DENND2B: variants seen among roughly 807,000 people sequenced by gnomAD.
DENND2B encodes the protein DENN domain containing 2B, also known as DENN domain-containing protein 2B.
A neutral mutation model predicts 116.0 loss-of-function variants in DENND2B; 32 were observed. The observed-to-expected ratio is 0.28, with a 90% CI of 0.21 to 0.37. The LOEUF is 0.37. Ranked by LOEUF, DENND2B falls within the 10% of genes least tolerant of loss-of-function variation. The pLI is 1.00. For synonymous variants in DENND2B, 588 were observed against 583.9 expected (o/e 1.01, Z -0.10); for missense variants, 1,276 against 1,477.7 (o/e 0.86, Z 2.24).
chr11:8,739,741 T>C (rs990691785), intron 2 of DENND2B, among the ~76,000 whole-genome samples: 4 of 151,744 alleles, frequency 2.6e-5, no homozygotes, highest in Admixed American at 1.3e-4. Context: ...TGAAGTAAGA[T>C]GAACAGATAA....
At chr11:8,776,146 G>GCACACACACACACACACA (rs1555185694) in intron 1 of DENND2B, 31 of 292,438 alleles carry the variant, frequency 1.1e-4, no homozygotes, top group African/African-American at 1.0e-3. Context: ...GCACGTGCGC[G>GCACACACACACACACACA]CACGCGCGCG....
intron 4 of DENND2B, among the ~76,000 whole-genome samples, chr11:8,827,257 A>G (rs2062014362): frequency 6.6e-6 from 1 of 152,248 alleles, no homozygotes; most frequent in South Asian, 2.1e-4. Flanking sequence ...GGAGGAAGGC[A>G]GAGTGAAAAG....
chr11:8,707,752 A>G lies in DENND2B; in HGVS notation c.2430+25T>C, dbSNP rs773169385. The G allele has an allele frequency of 4.4e-6, 7 of 1,589,924 alleles. No individual in the cohort carries two copies. In the South Asian group the frequency reaches 8.0e-5, roughly 18 times the overall value. On this transcript the variant is annotated intron_variant, in intron 12 of 19. Coordinates refer to ENST00000313726, the MANE Select transcript of DENND2B (RefSeq NM_213618.2). This position sits in a 1 kb window ranked among gnomAD's most constrained non-coding sequence, Gnocchi z 4.8. ...GGGAGCTGTCAGCTGGGGGACGGGG[A>G]GGGAAGCCTGCCAGAGCCTCTTACC... is the stretch of plus-strand genomic sequence containing the variant.
chr11:8,842,770 C>T (rs1407741539), intron 3 of DENND2B, among the ~76,000 whole-genome samples: 1 of 152,170 alleles, frequency 6.6e-6, no homozygotes, highest in Non-Finnish European at 1.5e-5. Flanking sequence ...TCATGAAAGA[C>T]AAAGAATTCC....
chr11:8,898,067 A>G lies in DENND2B; in HGVS notation c.-256+12754T>C, dbSNP rs529422785. ...GGGATTATAGGCATAAGCCATAGCC[A>G]CATGGCCTTGACTGAACTTTAAAGG... On this transcript the variant is annotated intron_variant, in intron 1 of 22. Coordinates refer to the DENND2B transcript ENST00000534127. Among the ~76,000 whole-genome samples the G allele has an allele frequency of 2.6e-5, 4 of 152,346 alleles. No homozygotes were observed. In the South Asian group the frequency reaches 8.3e-4, roughly 32 times the overall value.
At chr11:8,782,940 C>T (rs2058530039) in intron 1 of DENND2B, among the ~76,000 whole-genome samples, 1 of 150,654 alleles carries the variant, frequency 6.6e-6, no homozygotes, top group East Asian at 1.9e-4. Flanking sequence ...TATTACATAG[C>T]TTTCGAACCA....
rs1185138717 is a variant in DENND2B at position 8,699,261 on chromosome 11, G to C, written c.2850C>G (p.Gly950=). 5.6e-6 allele frequency: 9 copies of C among 1,594,494 alleles called. No individual in the cohort carries two copies. The highest frequency in any genetic ancestry group is 7.7e-6 in the Non-Finnish European group (9 of 1,174,832). Residue 950 remains glycine (G), a synonymous_variant, in exon 15 of 20, where the codon GGC becomes GGG. Transcript: ENST00000313726. ...IVCCPTPFLV[G]LLSSSLPKLK... Reference sequence around the variant, plus strand: ...GTTTGGGGAGGGAGCTGGAGAGCAGGCCAACCAGGAAGGGGGTGGGACAGC... The same window carrying C: ...GTTTGGGGAGGGAGCTGGAGAGCAGCCCAACCAGGAAGGGGGTGGGACAGC...
At chr11:8,839,824 G>A (rs1419446913) in intron 3 of DENND2B, among the ~76,000 whole-genome samples, 1 of 152,214 alleles carries the variant, frequency 6.6e-6, no homozygotes, top group Non-Finnish European at 1.5e-5. Context: ...TGGGAACACT[G>A]TTTTGTTAGG....
At chr11:8,834,775 C>T (rs765793094) in intron 4 of DENND2B, among the ~76,000 whole-genome samples, 3 of 152,276 alleles carry the variant, frequency 2.0e-5, no homozygotes, top group Non-Finnish European at 4.4e-5. Flanking sequence ...TTCAGGCAGT[C>T]GCCCTTTATA....
At chr11:8,833,114 T>G (rs1235803843) in intron 4 of DENND2B, among the ~76,000 whole-genome samples, 1 of 152,262 alleles carries the variant, frequency 6.6e-6, no homozygotes, top group Admixed American at 6.5e-5. Flanking sequence ...GCAAAGCTGG[T>G]GAGCAGATGG....
chr11:8,709,456 C>T (rs543703357), intron 11 of DENND2B, among the ~76,000 whole-genome samples: 3 of 152,204 alleles, frequency 2.0e-5, no homozygotes, highest in Non-Finnish European at 4.4e-5. Flanking sequence ...AGCAGCTCTG[C>T]TCCATCTATG....
intron 4 of DENND2B, among the ~76,000 whole-genome samples, chr11:8,836,201 A>AAAG (rs1330546464): frequency 6.6e-5 from 10 of 151,262 alleles, no homozygotes; most frequent in Admixed American, 5.9e-4. Flanking sequence ...CAAAAAAAAA[A>AAAG]AAAAAATTGC....
At chr11:8,696,065 G>T in intron 18 of DENND2B, 1 of 280,626 alleles carries the variant, frequency 3.6e-6, no homozygotes, top group South Asian at 5.6e-5. Flanking sequence ...GCTCTGTAAG[G>T]GAATTCCCAA....
chr11:8,895,720 T>TA (rs1381513711), intron 1 of DENND2B: 2 of 152,232 alleles, frequency 1.3e-5, no homozygotes, highest in Non-Finnish European at 2.9e-5. Flanking sequence ...AGTATACACT[T>TA]AAAAATGCTT....
chr11:8,695,153 G>A (rs1261742919), intron 19 of DENND2B, among the ~76,000 whole-genome samples: 1 of 152,088 alleles, frequency 6.6e-6, no homozygotes, highest in East Asian at 1.9e-4. Context: ...AAAGTATATG[G>A]GAAGATGTGC....
At chr11:8,877,559 T>C (rs1389928527) in intron 2 of DENND2B, 1 of 152,190 alleles carries the variant, frequency 6.6e-6, no homozygotes, top group African/African-American at 2.4e-5. Flanking sequence ...AGTCTAAAAA[T>C]TTACTCATTT....
In DENND2B at chr11:8,759,892, G is replaced by T. The variant is rs182321470; in HGVS notation, c.-25-9167C>A. 7.4e-3 allele frequency among the ~76,000 whole-genome samples: 1,127 copies of T among 152,314 alleles called. 10 individuals are homozygous for T. The highest frequency in any genetic ancestry group is 0.013 in the Non-Finnish European group (896 of 68,034). ...TCTCAGCAACCAATACTGGCCCTCAGATTCTAAGGAGCTTAACAAATGCAA... is the reference window on the plus strand; with the variant it reads ...TCTCAGCAACCAATACTGGCCCTCATATTCTAAGGAGCTTAACAAATGCAA... On this transcript the variant is annotated intron_variant, in intron 1 of 19. Transcript: ENST00000313726.
chr11:8,835,457 G>C (rs1355896411), intron 4 of DENND2B: 1 of 152,166 alleles, frequency 6.6e-6, no homozygotes, highest in Non-Finnish European at 1.5e-5. Flanking sequence ...TACCAGCTAT[G>C]ATCAAAGCTA....
intron 4 of DENND2B, among the ~76,000 whole-genome samples, chr11:8,832,269 G>C (rs1032106670): frequency 2.0e-5 from 3 of 152,078 alleles, no homozygotes; most frequent in Non-Finnish European, 4.4e-5. Flanking sequence ...TGGCCAACAC[G>C]GTGAAACCCC....
Sources: allele counts gnomAD v4.1 joint callset (sites outside exome capture counted in the v4.1 genomes callset), GRCh38; gene constraint gnomAD v4.1.1; non-coding constraint Gnocchi (gnomAD v3.1); transcripts MANE v1.5; gene names NCBI Gene and HGNC (gene_info 2026-07-23, HGNC 2026-07-21).